Variants in MYLK2 observed in about 807,000 individuals in gnomAD.
The protein encoded by MYLK2 is myosin light chain kinase 2, skeletal/cardiac muscle.
Under a neutral mutation model 58.2 loss-of-function variants are expected in MYLK2, and 27 were observed. The observed-to-expected ratio is 0.46, with a 90% confidence interval of 0.34 to 0.64. The LOEUF is 0.64. Ranked by LOEUF, MYLK2 falls within the 30% of genes least tolerant of loss-of-function variation. MYLK2 has a pLI of 0.01. For missense variants in MYLK2, 676 were observed against 764.3 expected (o/e 0.88, Z 1.36); for synonymous variants, 310 against 296.7 (o/e 1.04, Z -0.46).
Position 31,831,068 on chromosome 20 carries a change from C to T in MYLK2, c.1351C>T (p.Pro451Ser). The change falls in exon 10 of 13, where the codon CCT (proline) becomes TCT (serine). Residue 451 changes from proline to serine, a missense_variant. Pro to Ser is a moderately conservative substitution (Grantham distance 74). Transcript: ENST00000375985. ...CTTTGGGACCCCAGAGTTCCTGTCA[C>T]CTGAGGTGGTGAATTATGACCAAAT... is the stretch of plus-strand genomic sequence containing the variant. ...VNFGTPEFLSPEVVNYDQISD... is the reference protein window; with the variant it reads ...VNFGTPEFLSSEVVNYDQISD... 1.2e-6 allele frequency: 2 copies of T among 1,614,082 alleles called. No individual in the cohort carries two copies. Among genetic ancestry groups the T allele is most frequent in the Non-Finnish European group, 1.7e-6 (2 of 1,180,008 alleles).
intron 6 of MYLK2, among the ~76,000 whole-genome samples, chr20:31,825,143 A>T (rs563544722): frequency 6.6e-5 from 10 of 152,364 alleles, no homozygotes; most frequent in Non-Finnish European, 8.8e-5. Context: ...GTGTGGGCAC[A>T]GGCCCGACCC....
intron 12 of MYLK2, among the ~76,000 whole-genome samples, chr20:31,832,561 CG>C (rs1306095913): frequency 6.6e-6 from 1 of 152,180 alleles, no homozygotes; most frequent in Non-Finnish European, 1.5e-5. Context: ...GGCGTGATCT[CG>C]GCCCACTGCA....
chr20:31,821,049 G>A (rs1207855671), intron 3 of MYLK2, among the ~76,000 whole-genome samples: 2 of 152,164 alleles, frequency 1.3e-5, no homozygotes, highest in Non-Finnish European at 2.9e-5. Context: ...GATGCCATCA[G>A]TTATACTTAC....
chr20:31,820,664 CT>C, intron 3 of MYLK2, 118 bp downstream of exon 3: 1 of 1,297,566 alleles, frequency 7.7e-7, no homozygotes, highest in East Asian at 2.5e-5. Context: ...GAGTGTAGTT[CT>C]GACATTCAGT....
At chr20:31,829,401 C>T (rs2062294609) in intron 8 of MYLK2, among the ~76,000 whole-genome samples, 1 of 152,186 alleles carries the variant, frequency 6.6e-6, no homozygotes, top group Non-Finnish European at 1.5e-5. Flanking sequence ...GAGTCTGCTT[C>T]ATTTCCCCAA....
At position 31,821,438 on chromosome 20, in the gene MYLK2, G is replaced by C. The variant is rs761078536; in HGVS notation, c.474-1G>C. 6.2e-7 allele frequency: 1 copy of C among 1,613,246 alleles called. No homozygotes were observed. Among genetic ancestry groups the C allele is most frequent in the South Asian group, 1.1e-5 (1 of 91,066 alleles). ...TTCACCTCTGTGTTCTCACCTTCTA[G>C]TTCTGAGAAGCTGCTGGCCAAGAAG... On this transcript the variant is annotated splice_acceptor_variant, in intron 3 of 12. Transcript: ENST00000375985. LOFTEE classifies it high-confidence loss of function.
At chr20:31,827,096 C>A in intron 8 of MYLK2, 158 bp downstream of exon 8, 1 of 980,964 alleles carries the variant, frequency 1.0e-6, no homozygotes, top group Non-Finnish European at 1.2e-6. Context: ...GAATACTTAC[C>A]AAGTGCCAGG....
chr20:31,832,255 C>T, intron 12 of MYLK2, 119 bp downstream of exon 12: 1 of 1,409,898 alleles, frequency 7.1e-7, no homozygotes, highest in South Asian at 1.2e-5. Context: ...TGGGCCCTGT[C>T]CGGAAGACAG....
intron 10 of MYLK2, among the ~76,000 whole-genome samples, 171 bp from the exon 11 acceptor site, chr20:31,831,532 T>C (rs2062306379): frequency 1.3e-5 from 2 of 151,976 alleles, no homozygotes; most frequent in Non-Finnish European, 2.9e-5. Flanking sequence ...GGAGATGACT[T>C]ACCCAAAGTC....
chr20:31,826,712 G>A lies in MYLK2; in HGVS notation c.1080G>A (p.Glu360=), dbSNP rs977115591. The A allele has an allele frequency of 2.5e-6, 4 of 1,613,942 alleles. No individual in the cohort carries two copies. The highest frequency in any genetic ancestry group is 2.7e-5 in the African/African-American group (2 of 74,878). ...CGCATGAGATCGTCCTGTTCATGGA[G>A]TAGTGAGTGCCCGAAGTAGTGGTAG... ...ETPHEIVLFM[E]YIEGGELFER... Residue 360 remains glutamate (E), a splice_region_variant and synonymous_variant, in exon 7 of 13, where the codon GAG becomes GAA. Coordinates refer to ENST00000375985, the MANE Select transcript of MYLK2 (RefSeq NM_033118.4).
intron 8 of MYLK2, 156 bp downstream of exon 8, chr20:31,827,094 A>G (rs772245236): frequency 1.0e-6 from 1 of 981,070 alleles, no homozygotes; most frequent in Non-Finnish European, 1.2e-6. Flanking sequence ...TGGAATACTT[A>G]CCAAGTGCCA....
chr20:31,822,941 T>C (rs1168568597), intron 4 of MYLK2, among the ~76,000 whole-genome samples: 2 of 152,234 alleles, frequency 1.3e-5, no homozygotes, highest in South Asian at 2.1e-4. Flanking sequence ...CCTGCCGGCC[T>C]GCCAGCCTTC....
At chr20:31,825,829 T>A (rs891385584) in intron 6 of MYLK2, among the ~76,000 whole-genome samples, 4 of 152,162 alleles carry the variant, frequency 2.6e-5, no homozygotes, top group African/African-American at 9.7e-5. Flanking sequence ...TTTCTCATGG[T>A]GTAAGTATTC....
At position 31,820,312 on chromosome 20, in the gene MYLK2, G is replaced by A; in HGVS notation, c.239G>A (p.Gly80Asp). ...AGCAGCCAAGGCCCCAAAGGAGAGG[G>A]TGACAGGGGCGGGGGGCCCGCGGAG... ...STSSQGPKGE[G>D]DRGGGPAEGS... Residue 80 changes from glycine (G) to aspartate (D), a missense_variant, in exon 3 of 13, where the codon GGT (glycine) becomes GAT (aspartate). Gly to Asp is a moderately conservative substitution (Grantham distance 94, BLOSUM62 -1). This residue lies in a region of MYLK2 where 306 missense variants were observed against 296.5 expected (regional missense o/e 1.03). Coordinates refer to ENST00000375985, the MANE Select transcript of MYLK2 (RefSeq NM_033118.4). 1 of 1,613,316 alleles carries A rather than the reference G, an allele frequency of 6.2e-7. No individual in the cohort carries two copies. The highest frequency in any genetic ancestry group is 8.5e-7 in the Non-Finnish European group (1 of 1,179,908).
intron 3 of MYLK2, among the ~76,000 whole-genome samples, chr20:31,820,877 G>A (rs2062249402): frequency 6.6e-6 from 1 of 152,230 alleles, no homozygotes; most frequent in Non-Finnish European, 1.5e-5. Flanking sequence ...ATGGCAGGCA[G>A]AAAGGCTAAA....
At position 31,834,068 on chromosome 20, in the gene MYLK2, C is replaced by T. The variant is rs2062321798; in HGVS notation, c.*271C>T. On this transcript the variant is annotated 3_prime_UTR_variant, in exon 13 of 13. Transcript: ENST00000375985. ...CGGCCACACCCCAGACTCCAGGCCCCCGTTGAAGCCGCTCCCGGTTCCCTC... is the reference window on the plus strand; with the variant it reads ...CGGCCACACCCCAGACTCCAGGCCCTCGTTGAAGCCGCTCCCGGTTCCCTC... The T allele has an allele frequency of 2.0e-6, 1 of 510,326 alleles. No individual in the cohort carries two copies. The allele number at this position is 510,326 out of a possible 1,614,324, so 31.6% of individuals were successfully genotyped here. A position where few individuals can be genotyped will look rare whatever the true frequency, so the allele number is the denominator to read the frequency against.
In MYLK2 at chr20:31,819,556, G is replaced by A; in HGVS notation, c.-25G>A. The A allele has an allele frequency of 6.4e-7, 1 of 1,551,456 alleles. No individual in the cohort carries two copies. Among genetic ancestry groups the A allele is most frequent in the Non-Finnish European group, 8.7e-7 (1 of 1,146,970 alleles). Reference sequence around the variant, plus strand: ...AGCTAGAAAGACTTGAGTTAGACAAGCAGCAGCACACGCCTCCCTACCTCA... The same window carrying A: ...AGCTAGAAAGACTTGAGTTAGACAAACAGCAGCACACGCCTCCCTACCTCA... On this transcript the variant is annotated 5_prime_UTR_variant, in exon 2 of 13. Coordinates refer to ENST00000375985, the MANE Select transcript of MYLK2 (RefSeq NM_033118.4).
At chr20:31,824,685 G>A (rs1053241599) in intron 6 of MYLK2, 5 of 590,322 alleles carry the variant, frequency 8.5e-6, no homozygotes, top group South Asian at 1.5e-4. Flanking sequence ...GTCTGGGAGT[G>A]AAGTGGGTGT....
rs1289100767 is a variant in MYLK2, at chr20:31,826,697, C to T, written c.1065C>T (p.Ile355=). Reference sequence around the variant, plus strand: ...CAGCCATCGAGACTCCGCATGAGATCGTCCTGTTCATGGAGTAGTGAGTGC... The same window carrying T: ...CAGCCATCGAGACTCCGCATGAGATTGTCCTGTTCATGGAGTAGTGAGTGC... ...LYAAIETPHE[I]VLFMEYIEGG... Residue 355 remains isoleucine, a synonymous_variant, in exon 7 of 13, where the codon ATC becomes ATT. Transcript: ENST00000375985. 5 of 1,613,958 alleles carry T rather than the reference C, an allele frequency of 3.1e-6. No individual in the cohort carries two copies. Among genetic ancestry groups the T allele is most frequent in the Non-Finnish European group, 4.2e-6 (5 of 1,180,008 alleles).
Sources: gnomAD v4.1 joint callset for allele counts (sites outside exome capture counted in the v4.1 genomes callset) on GRCh38, gnomAD v4.1.1 for gene constraint, gnomAD v4.1.1 regional missense constraint, MANE v1.5 for transcripts, NCBI Gene and HGNC (gene_info 2026-07-23, HGNC 2026-07-21) for gene names.